The following PRKDC variants were observed in gnomAD, a reference collection of about 807,000 sequenced individuals.
PRKDC encodes the protein protein kinase, DNA-activated, catalytic subunit.
Under a neutral mutation model 486.9 loss-of-function variants are expected in PRKDC, and 82 were observed. The observed-to-expected ratio is 0.17, with a 90% CI of 0.14 to 0.20. The LOEUF is 0.20. PRKDC is among the 10% of genes least tolerant of loss of function. The pLI, the probability that PRKDC is intolerant of heterozygous loss-of-function variation, is 1.00. For missense variants in PRKDC, 4,504 were observed against 5,038.2 expected (o/e 0.89, Z 3.21); for synonymous variants, 1,895 against 1,837.0 (o/e 1.03, Z -0.81).
intron 30 of PRKDC, among the ~76,000 whole-genome samples, chr8:47,894,911 C>A (rs927942907): frequency 2.6e-5 from 4 of 152,074 alleles, no homozygotes; most frequent in African/African-American, 9.7e-5. Flanking sequence ...CCTATCTCTA[C>A]AAAAAAACTT....
chr8:47,869,953 G>A (rs2088911335), intron 40 of PRKDC, among the ~76,000 whole-genome samples: 1 of 152,122 alleles, frequency 6.6e-6, no homozygotes, highest in Non-Finnish European at 1.5e-5. Context: ...CTTTATTTTA[G>A]GAAAGGAGAG....
At position 47,834,257 on chromosome 8, in the gene PRKDC, C is replaced by A. The variant is rs1298171021; in HGVS notation, c.8091G>T (p.Gly2697=). 6 of 1,613,908 alleles carry A rather than the reference C, an allele frequency of 3.7e-6. No homozygotes were observed. The highest frequency in any genetic ancestry group is 5.1e-6 in the Non-Finnish European group (6 of 1,179,906). ...CCAGCCTTTTTTTCCCAAAATCAGG[C>A]CCCACTGACTTCAAGGGTGCTCTCT... ...RLQRAPLKSV[G]PDFGKKRLGL... Residue 2697 remains glycine, a synonymous_variant, in exon 59 of 86, where the codon GGG becomes GGT. Transcript: ENST00000314191.
At chr8:47,830,080 C>T (rs1410144201) in intron 61 of PRKDC, among the ~76,000 whole-genome samples, 1 of 152,122 alleles carries the variant, frequency 6.6e-6, no homozygotes, top group Non-Finnish European at 1.5e-5. Flanking sequence ...AAAACAGACA[C>T]ACAGACCAAT....
chr8:47,840,339 A>G (rs1022905334), intron 54 of PRKDC, 150 bp from the exon 55 acceptor site: 7 of 612,556 alleles, frequency 1.1e-5, no homozygotes, highest in Non-Finnish European at 1.9e-5. Flanking sequence ...TAAAATGATC[A>G]TGGACTAGAT....
In PRKDC at chr8:47,782,489, T is replaced by C; in HGVS notation, c.11285A>G (p.Gln3762Arg). 6.3e-7 allele frequency: 1 copy of C among 1,581,210 alleles called. No individual in the cohort carries two copies. Among genetic ancestry groups the C allele is most frequent in the Non-Finnish European group, 8.6e-7 (1 of 1,164,270 alleles). The change falls in exon 79 of 86, where the codon CAG (glutamine) becomes CGG (arginine). Residue 3762 changes from glutamine (Q) to arginine (R), a missense_variant. Physicochemically the swap from Gln to Arg is conservative, Grantham distance 43. Transcript: ENST00000314191. This position sits in a 1 kb window ranked among gnomAD's most constrained non-coding sequence, Gnocchi z 4.9. ...VKGGEDLRQD[Q>R]RVEQLFQVMN... ...GACCTGGAAGAGCTGCTCCACGCGC[T>C]GGTCCTGCCGCAGGTCCTCGCCACC...
intron 31 of PRKDC, among the ~76,000 whole-genome samples, chr8:47,892,648 G>A (rs2089487654): frequency 6.6e-6 from 1 of 152,074 alleles, no homozygotes; most frequent in African/African-American, 2.4e-5. Flanking sequence ...CTTTAAATAT[G>A]TACATCTTTT....
chr8:47,820,712 G>A lies in PRKDC; in HGVS notation c.9336+7C>T. ...TACAAGCATATATATATAATATATA[G>A]TATTACCTGCATAAAACTCTGAATG... On this transcript the variant is annotated splice_region_variant and intron_variant, in intron 66 of 85. Coordinates refer to ENST00000314191, the MANE Select transcript of PRKDC (RefSeq NM_006904.7). 5 of 1,458,448 alleles carry A rather than the reference G, an allele frequency of 3.4e-6. No homozygotes were observed. In the South Asian group the frequency reaches 3.9e-5, roughly 11 times the overall value. The allele number at this position is 1,458,448 out of a possible 1,614,324, so 90.3% of individuals were successfully genotyped here.
At chr8:47,906,255 G>A (rs542632387) in intron 25 of PRKDC, among the ~76,000 whole-genome samples, 11 of 152,320 alleles carry the variant, frequency 7.2e-5, no homozygotes, top group Admixed American at 7.2e-4. Flanking sequence ...GCTGAGATGG[G>A]TGGATGGCTT....
In PRKDC at chr8:47,778,647, T is replaced by A. The variant is rs1199312295; in HGVS notation, c.11665A>T (p.Arg3889Trp). ...PADLLKRAFV[R>W]MSTSPEAFLA... ...AAAGCCTCAGGGCTTGTACTCATCC[T>A]CACGAAGGCCCGCCTACAAAAGAGA... Residue 3889 changes from arginine to tryptophan, a missense_variant, in exon 83 of 86, where the codon AGG becomes TGG. Arg to Trp is a moderately radical substitution (Grantham distance 101). Transcript: ENST00000314191. The A allele has an allele frequency of 2.5e-6, 4 of 1,613,308 alleles. No homozygotes were observed. The Admixed American group carries it at 5.0e-5, about 20-fold the overall frequency.
At chr8:47,793,012 G>T (rs573097687) in intron 74 of PRKDC, among the ~76,000 whole-genome samples, 2 of 152,280 alleles carry the variant, frequency 1.3e-5, no homozygotes, top group Non-Finnish European at 2.9e-5. Context: ...CTCCTAAGTA[G>T]TTGGAAGTAC....
chr8:47,903,279 T>C (rs763078585), intron 26 of PRKDC, among the ~76,000 whole-genome samples: 9 of 152,178 alleles, frequency 5.9e-5, no homozygotes, highest in Non-Finnish European at 1.3e-4. Context: ...GCAGACCCCA[T>C]AAAGGCCCTG....
intron 1 of PRKDC, 111 bp from the exon 2 acceptor site, chr8:47,957,542 G>A (rs978566422): frequency 5.3e-5 from 48 of 899,470 alleles, no homozygotes; most frequent in Admixed American, 4.9e-4. Context: ...ATGGAGTCTC[G>A]CTCTGTCGCC....
chr8:47,864,075 C>A (rs946229676), intron 41 of PRKDC, among the ~76,000 whole-genome samples: 23 of 152,128 alleles, frequency 1.5e-4, no homozygotes, highest in African/African-American at 5.3e-4. Flanking sequence ...TAGTTAAGGG[C>A]CTTGTGATGA....
chr8:47,921,979 C>T (rs896367358), intron 21 of PRKDC, among the ~76,000 whole-genome samples: 8 of 152,096 alleles, frequency 5.3e-5, no homozygotes, highest in African/African-American at 1.9e-4. Flanking sequence ...CAGGGTTTTG[C>T]CATGTTGGCC....
At chr8:47,792,126 C>G (rs2086892228) in intron 74 of PRKDC, among the ~76,000 whole-genome samples, 1 of 151,242 alleles carries the variant, frequency 6.6e-6, no homozygotes, top group Non-Finnish European at 1.5e-5. Flanking sequence ...TTTGTGGAAG[C>G]TAAAAATTAA....
Position 47,852,718 on chromosome 8 carries a change from T to A in PRKDC, c.6960A>T (p.Ala2320=), listed in dbSNP as rs758170058. 1.3e-6 allele frequency: 2 copies of A among 1,581,738 alleles called. No individual in the cohort carries two copies. The highest frequency in any genetic ancestry group is 2.3e-5 in the South Asian group (2 of 86,630). The change falls in exon 52 of 86, where the codon GCA becomes GCT. Residue 2320 remains alanine (A), a synonymous_variant. Coordinates refer to ENST00000314191, the MANE Select transcript of PRKDC (RefSeq NM_006904.7). ...VRYKEVYAAA[A]EVLGLILRYV... Reference sequence around the variant, plus strand: ...ATCGAAGTATAAGTCCTAGAACTTCTGCTGCAGCGGCATACACTTCTTTAT... The same window carrying A: ...ATCGAAGTATAAGTCCTAGAACTTCAGCTGCAGCGGCATACACTTCTTTAT...
chr8:47,895,681 C>T (rs1320628630), intron 30 of PRKDC, among the ~76,000 whole-genome samples: 1 of 152,092 alleles, frequency 6.6e-6, no homozygotes. Context: ...ACTAATTTCA[C>T]AAGGTTGCTG....
chr8:47,778,920 G>A, intron 81 of PRKDC, 84 bp downstream of exon 81: 1 of 1,442,902 alleles, frequency 6.9e-7, no homozygotes. Context: ...ATCTCTCTGA[G>A]GCAAAGCTAA....
intron 39 of PRKDC, 90 bp downstream of exon 39, chr8:47,879,401 T>C: frequency 4.1e-6 from 5 of 1,209,182 alleles, no homozygotes; most frequent in Non-Finnish European, 5.7e-6. Flanking sequence ...TCTCTGATTG[T>C]GGATATTTTA....
Sources: gnomAD v4.1 joint callset for allele counts (sites outside exome capture counted in the v4.1 genomes callset) on GRCh38, gnomAD v4.1.1 for gene constraint, Gnocchi (gnomAD v3.1) non-coding constraint, MANE v1.5 for transcripts, NCBI Gene and HGNC (gene_info 2026-07-23, HGNC 2026-07-21) for gene names.